The following AP1G1 variants were observed in gnomAD, a reference collection of about 807,000 sequenced individuals.
AP1G1 encodes adaptor related protein complex 1 subunit gamma 1.
AP1G1 carries 7 observed loss-of-function variants against 108.3 expected under a neutral mutation model. The observed-to-expected ratio is 0.06, with a 90% CI of 0.04 to 0.12. The LOEUF (loss-of-function observed/expected upper bound fraction) is 0.12, where lower values mean the gene tolerates loss of function less well. AP1G1 is among the 10% of genes least tolerant of loss of function. The pLI is 1.00. For missense variants in AP1G1, 756 were observed against 1,010.7 expected, an observed-to-expected ratio of 0.75 and a Z score of 3.42; for synonymous variants, 379 against 353.5, an observed-to-expected ratio of 1.07 and a Z score of -0.81.
intron 7 of AP1G1, 87 bp downstream of exon 7, chr16:71,765,402 T>C: frequency 1.1e-6 from 1 of 896,896 alleles, no homozygotes; most frequent in Non-Finnish European, 1.7e-6. Flanking sequence ...AAATTTCTAC[T>C]CAACACAAAC....
intron 17 of AP1G1, among the ~76,000 whole-genome samples, 192 bp downstream of exon 17, chr16:71,746,396 A>G (rs1400418428): frequency 6.6e-6 from 1 of 152,246 alleles, no homozygotes; most frequent in Non-Finnish European, 1.5e-5. Context: ...AATGAAAGAG[A>G]GTTAATTTAT....
intron 1 of AP1G1, among the ~76,000 whole-genome samples, chr16:71,801,880 C>A (rs2032813117): frequency 6.6e-6 from 1 of 150,396 alleles, no homozygotes; most frequent in Non-Finnish European, 1.5e-5. Flanking sequence ...CGAGATTGCG[C>A]CACTGCACTC....
chr16:71,736,098 C>CAAAAAAAAAAAA (rs1213680207), intron 21 of AP1G1, among the ~76,000 whole-genome samples: 390 of 25,394 alleles, frequency 0.015, 73 homozygotes, highest in East Asian at 0.023. Context: ...GACTCCATCT[C>CAAAAAAAAAAAA]AAAAAAAAAA....
chr16:71,732,989 G>C lies in AP1G1; in HGVS notation c.*69C>G. ...TGGTACAGTTGGGGGGGACTTGCCAGCAATCACAACCTCCTTCCCAGAGTT... is the reference window on the plus strand; with the variant it reads ...TGGTACAGTTGGGGGGGACTTGCCACCAATCACAACCTCCTTCCCAGAGTT... On this transcript the variant is annotated 3_prime_UTR_variant, in exon 23 of 23. Transcript: ENST00000299980. 1 of 1,291,930 alleles carries C rather than the reference G, an allele frequency of 7.7e-7. No homozygotes were observed. Among genetic ancestry groups the C allele is most frequent in the Non-Finnish European group, 1.1e-6 (1 of 904,640 alleles). 80.0% of individuals were successfully genotyped at this position (1,291,930 alleles called of 1,614,324 possible). A position where few individuals can be genotyped will look rare whatever the true frequency, so the allele number is the denominator to read the frequency against.
intron 1 of AP1G1, among the ~76,000 whole-genome samples, chr16:71,804,612 T>C (rs1228921086): frequency 6.6e-6 from 1 of 151,458 alleles, no homozygotes; most frequent in Non-Finnish European, 1.5e-5. Context: ...TTCATCATGT[T>C]GACCAGGCTA....
intron 2 of AP1G1, among the ~76,000 whole-genome samples, chr16:71,778,383 C>A (rs757505738): frequency 8.5e-5 from 13 of 152,074 alleles, no homozygotes; most frequent in Non-Finnish European, 1.3e-4. Context: ...CATGTTTAAT[C>A]TTTAAGAATA....
intron 3 of AP1G1, 114 bp from the exon 4 acceptor site, chr16:71,773,476 G>A: frequency 9.4e-7 from 1 of 1,062,474 alleles, no homozygotes; most frequent in Non-Finnish European, 1.3e-6. Context: ...AAAACAATAG[G>A]ATTATTTGTT....
intron 1 of AP1G1, among the ~76,000 whole-genome samples, chr16:71,803,514 T>A (rs542127367): frequency 2.6e-5 from 4 of 151,912 alleles, no homozygotes; most frequent in African/African-American, 9.6e-5. Flanking sequence ...GGCAAGTGAG[T>A]TTTTTTTCTC....
At chr16:71,790,818 G>T (rs2055494333) in intron 1 of AP1G1, among the ~76,000 whole-genome samples, 1 of 152,116 alleles carries the variant, frequency 6.6e-6, no homozygotes, top group African/African-American at 2.4e-5. Context: ...TTGCAAACAG[G>T]TTAAACAGAG....
At chr16:71,761,610 T>G in intron 9 of AP1G1, 43 bp from the exon 10 acceptor site, 1 of 1,398,236 alleles carries the variant, frequency 7.2e-7, no homozygotes, top group African/African-American at 1.4e-5. Flanking sequence ...AAAATGGAAG[T>G]TTTATATTGT....
intron 6 of AP1G1, 50 bp downstream of exon 6, chr16:71,769,572 GA>G: frequency 6.6e-7 from 1 of 1,510,372 alleles, no homozygotes; most frequent in South Asian, 1.1e-5. Context: ...TACTTTTCAG[GA>G]AAATCATTTT....
chr16:71,742,646 G>T (rs1266451556), intron 19 of AP1G1: 1 of 152,012 alleles, frequency 6.6e-6, no homozygotes, highest in East Asian at 1.9e-4. Context: ...ATTTGTTGAG[G>T]CCGCTAGGTA....
chr16:71,744,023 T>A (rs921881591), intron 19 of AP1G1, among the ~76,000 whole-genome samples: 5 of 150,728 alleles, frequency 3.3e-5, no homozygotes, highest in African/African-American at 1.2e-4. Context: ...GGCAGGGGGA[T>A]CATGAGGTCA....
intron 6 of AP1G1, among the ~76,000 whole-genome samples, chr16:71,767,592 T>C (rs113565605): frequency 3.3e-5 from 5 of 152,206 alleles, no homozygotes; most frequent in African/African-American, 1.2e-4. Context: ...ACTGGGAAAC[T>C]GCTCAAAGTT....
intron 2 of AP1G1, among the ~76,000 whole-genome samples, chr16:71,788,375 T>A (rs1229678414): frequency 1.3e-5 from 2 of 152,090 alleles, no homozygotes; most frequent in Admixed American, 1.3e-4. Context: ...CATGACTAAA[T>A]CCCACTTATG....
rs1384380487 is a variant in AP1G1 at position 71,731,336 on chromosome 16, C to T, written c.*1722G>A. Reference sequence around the variant, plus strand: ...AGCCTTTAGTTCAACTCCAGTTTGTCAAATGTTAGGAATATTCCAGCATCT... The same window carrying T: ...AGCCTTTAGTTCAACTCCAGTTTGTTAAATGTTAGGAATATTCCAGCATCT... On this transcript the variant is annotated 3_prime_UTR_variant, in exon 23 of 23. Transcript: ENST00000299980. 2.0e-5 allele frequency: 3 copies of T among 152,508 alleles called. No homozygotes were observed. The highest frequency in any genetic ancestry group is 4.4e-5 in the Non-Finnish European group (3 of 68,022). The allele number at this position is 152,508 out of a possible 1,614,324, so 9.4% of individuals were successfully genotyped here.
intron 2 of AP1G1, among the ~76,000 whole-genome samples, chr16:71,776,793 C>T (rs577130875): frequency 4.6e-5 from 7 of 151,842 alleles, no homozygotes; most frequent in South Asian, 2.1e-4. Context: ...TTTTTTTGCA[C>T]GACCATTTCT....
chr16:71,808,597 C>T, intron 1 of AP1G1, 166 bp downstream of exon 1: 1 of 1,289,556 alleles, frequency 7.8e-7, no homozygotes, highest in Non-Finnish European at 1.0e-6. Flanking sequence ...CGGAGCAGCC[C>T]CTGGGGCTCC....
rs780323477 is a variant in AP1G1 at position 71,739,301 on chromosome 16, C to G, written c.2040G>C (p.Gln680His). The change falls in exon 20 of 23, where the codon CAG (glutamine) becomes CAC (histidine). Residue 680 changes from glutamine (Q) to histidine (H), a missense_variant. Gln to His is a conservative substitution (Grantham distance 24, BLOSUM62 0). Transcript: ENST00000299980. ...AAAPAPASVP[Q>H]ISQPPFLLDG... ...CCAACAAGAAGGGGGGCTGGGATATCTGTGGGACTGAGGCAGGGGCAGGAG... is the reference window on the plus strand; with the variant it reads ...CCAACAAGAAGGGGGGCTGGGATATGTGTGGGACTGAGGCAGGGGCAGGAG... 3.1e-6 allele frequency: 5 copies of G among 1,611,198 alleles called. No homozygotes were observed. In the South Asian group the frequency reaches 3.3e-5, roughly 11 times the overall value.
Sources: allele counts gnomAD v4.1 joint callset (sites outside exome capture counted in the v4.1 genomes callset), GRCh38; gene constraint gnomAD v4.1.1; transcripts MANE v1.5; gene names NCBI Gene and HGNC (gene_info 2026-07-23, HGNC 2026-07-21).